Variants in ANKRD18A observed in about 807,000 individuals in gnomAD.
ANKRD18A encodes the protein ankyrin repeat domain-containing protein 18A.
ANKRD18A carries 72 observed loss-of-function variants against 110.6 expected under a neutral mutation model. That is an observed-to-expected ratio of 0.65 (90% CI 0.54 to 0.79). The LOEUF (loss-of-function observed/expected upper bound fraction) is 0.79, where lower values mean the gene tolerates loss of function less well. Among genes scored for constraint, ANKRD18A ranks in the 30% least tolerant of loss-of-function variants. The pLI, the probability that ANKRD18A is intolerant of heterozygous loss-of-function variation, is 0.00. For missense variants in ANKRD18A, 934 were observed against 1,163.3 expected, an observed-to-expected ratio of 0.80 and a Z score of 2.87; for synonymous variants, 305 against 410.3, an observed-to-expected ratio of 0.74 and a Z score of 3.10.
chr9:38,610,748 G>A (rs142446255), intron 4 of ANKRD18A, among the ~76,000 whole-genome samples: 24 of 151,260 alleles, frequency 1.6e-4, no homozygotes, highest in African/African-American at 5.7e-4. Context: ...TTTTCCCATT[G>A]CTTTCCCATT....
At chr9:38,619,773 C>T (rs1826007460) in intron 1 of ANKRD18A, among the ~76,000 whole-genome samples, 1 of 152,198 alleles carries the variant, frequency 6.6e-6, no homozygotes, top group Non-Finnish European at 1.5e-5. Context: ...GAACTCTTCG[C>T]CTACTGAAAA....
Position 38,615,660 on chromosome 9 carries a change from A to C in ANKRD18A, c.429T>G (p.Tyr143Ter). The change falls in exon 3 of 16, where the codon TAT becomes TAG. Residue 143 changes from tyrosine (Y) to a stop codon, truncating the protein, a stop_gained. Transcript: ENST00000399703. LOFTEE classifies it high-confidence loss of function. ...YGNTALHYAV[Y>*]NKGTSLAERL... ...TTTCTGCCAGTGAAGTCCCCTTATT[A>C]TACACGGCATAATGGAGAGCAGTGT... The C allele has an allele frequency of 1.2e-6, 2 of 1,611,878 alleles. No homozygotes were observed. Among genetic ancestry groups the C allele is most frequent in the Non-Finnish European group, 1.7e-6 (2 of 1,179,732 alleles).
Position 38,588,606 on chromosome 9 carries a change from A to G in ANKRD18A, c.2062T>C (p.Tyr688His), listed in dbSNP as rs1824493263. The G allele has an allele frequency of 2.1e-6, 3 of 1,400,588 alleles. No individual in the cohort carries two copies. Among genetic ancestry groups the G allele is most frequent in the African/African-American group, 3.0e-5 (2 of 66,720 alleles). 86.8% of individuals were successfully genotyped at this position (1,400,588 alleles called of 1,614,324 possible). A position where few individuals can be genotyped will look rare whatever the true frequency, so the allele number is the denominator to read the frequency against. Residue 688 changes from tyrosine (Y) to histidine (H), a missense_variant, in exon 11 of 16, where the codon TAT becomes CAT. By Grantham distance (83) the Tyr-to-His change is moderately conservative. This residue lies in a region of ANKRD18A where 79 missense variants were observed against 122.8 expected (regional missense o/e 0.64). Transcript: ENST00000399703. Reference protein sequence around the residue: ...KLFELISLLNYTADQIRKKNR... With the variant: ...KLFELISLLNHTADQIRKKNR... Reference sequence around the variant, plus strand: ...TTCTTTCTTATTTGGTCCGCAGTATAGTTCAGTAATGATATTAATTCAAAA... The same window carrying G: ...TTCTTTCTTATTTGGTCCGCAGTATGGTTCAGTAATGATATTAATTCAAAA...
In ANKRD18A at chr9:38,601,204, G is replaced by A; in HGVS notation, c.863C>T (p.Ala288Val). ...TGAAGCCACTTTTAGGTTGTGTTCT[G>A]CTGACAAATCCATATGTTTAGTTAA... Reference protein sequence around the residue: ...NLKKRKERAKAEHNLKVASEE... With the variant: ...NLKKRKERAKVEHNLKVASEE... The change falls in exon 8 of 16, where the codon GCA becomes GTA. Residue 288 changes from alanine (A) to valine (V), a missense_variant and splice_region_variant. Physicochemically the swap from Ala to Val is moderately conservative, Grantham distance 64 (BLOSUM62 0). Around this residue, in one of 4 missense-constraint regions of ANKRD18A, gnomAD observed 630 missense variants for 797.5 expected, o/e 0.79. Transcript: ENST00000399703. 6.4e-7 allele frequency: 1 copy of A among 1,554,414 alleles called. No individual in the cohort carries two copies. The highest frequency in any genetic ancestry group is 2.4e-5 in the East Asian group (1 of 41,436).
intron 10 of ANKRD18A, among the ~76,000 whole-genome samples, chr9:38,592,777 C>A (rs537607403): frequency 6.6e-6 from 1 of 152,122 alleles, no homozygotes; most frequent in Non-Finnish European, 1.5e-5. Context: ...ATATGTGCTA[C>A]AACATGGATA....
At chr9:38,617,358 T>C (rs1825900945) in intron 1 of ANKRD18A, among the ~76,000 whole-genome samples, 2 of 152,216 alleles carry the variant, frequency 1.3e-5, no homozygotes, top group Admixed American at 1.3e-4. Flanking sequence ...GATAATCACT[T>C]GAACCTTGGC....
chr9:38,572,144 G>A (rs1056606524), intron 15 of ANKRD18A, 85 bp from the exon 16 acceptor site: 21 of 987,406 alleles, frequency 2.1e-5, no homozygotes, highest in East Asian at 5.6e-5. Flanking sequence ...AGTTGAGAAC[G>A]TTATCAGAGT....
intron 3 of ANKRD18A, among the ~76,000 whole-genome samples, chr9:38,615,363 A>T (rs1825805101): frequency 6.6e-6 from 1 of 151,868 alleles, no homozygotes; most frequent in Non-Finnish European, 1.5e-5. Context: ...CAAATACTTG[A>T]AAAGAAGAAG....
At chr9:38,567,864 C>T (rs1340557142), downstream of ANKRD18A, 1 of 152,252 alleles carries the variant, frequency 6.6e-6, no homozygotes, top group Non-Finnish European at 1.5e-5. Context: ...CATGTCAACT[C>T]ATTGGCTGAG....
At chr9:38,569,478 G>C (rs1162819741), downstream of ANKRD18A, 2 of 977,194 alleles carry the variant, frequency 2.0e-6, no homozygotes, top group East Asian at 2.4e-4. Context: ...CACTCACAGA[G>C]ACTGCTGCGT....
At chr9:38,579,754 A>G (rs1488441508) in intron 12 of ANKRD18A, among the ~76,000 whole-genome samples, 1 of 152,238 alleles carries the variant, frequency 6.6e-6, no homozygotes, top group African/African-American at 2.4e-5. Context: ...CAGCTACTAT[A>G]GAAAACAACA....
intron 12 of ANKRD18A, among the ~76,000 whole-genome samples, chr9:38,585,785 TA>T (rs59202616): frequency 1.3e-5 from 2 of 152,088 alleles, no homozygotes; most frequent in East Asian, 1.9e-4. Context: ...ATAGACAGGA[TA>T]AAAAAATGTG....
In ANKRD18A at chr9:38,575,679, C is replaced by T. The variant is rs781770031; in HGVS notation, c.2761G>A (p.Val921Met). 1.9e-5 allele frequency: 30 copies of T among 1,551,036 alleles called. No individual in the cohort carries two copies. In the South Asian group the frequency reaches 3.2e-4, roughly 17 times the overall value. The change falls in exon 15 of 16, where the codon GTG (valine) becomes ATG (methionine). Residue 921 changes from valine (V) to methionine (M), a missense_variant. Val to Met is a conservative substitution (Grantham distance 21). This residue lies in a region of ANKRD18A where 223 missense variants were observed against 226.7 expected (regional missense o/e 0.98). Coordinates refer to ENST00000399703, the MANE Select transcript of ANKRD18A (RefSeq NM_147195.4). Reference sequence around the variant, plus strand: ...TCCGTAAAGAGCTTGGTGCTGATCACTGCTATTTTCTTATCCGATCTGTAA... The same window carrying T: ...TCCGTAAAGAGCTTGGTGCTGATCATTGCTATTTTCTTATCCGATCTGTAA... ...KLMKSDKKIA[V>M]ISTKLFTEKQ... is the part of the protein sequence containing the mutation.
chr9:38,574,741 G>T (rs1384396256), intron 15 of ANKRD18A, among the ~76,000 whole-genome samples: 1 of 152,130 alleles, frequency 6.6e-6, no homozygotes, highest in African/African-American at 2.4e-5. Context: ...TAAGTGTTTG[G>T]TTGCCTGTCA....
At chr9:38,588,870 T>C (rs2118734981) in intron 10 of ANKRD18A, among the ~76,000 whole-genome samples, 1 of 152,320 alleles carries the variant, frequency 6.6e-6, no homozygotes, top group Non-Finnish European at 1.5e-5. Context: ...ATCATTACCT[T>C]TTCTGAAATT....
Position 38,595,663 on chromosome 9 carries a change from T to A in ANKRD18A, c.1677A>T (p.Gln559His), listed in dbSNP as rs535602466. The A allele has an allele frequency of 1.3e-4, 209 of 1,551,246 alleles. No homozygotes were observed. The African/African-American group carries it at 2.3e-3, about 17-fold the overall frequency. The change falls in exon 9 of 16, where the codon CAA becomes CAT. Residue 559 changes from glutamine (Q) to histidine (H), a missense_variant. Physicochemically the swap from Gln to His is conservative, Grantham distance 24. This residue lies in a region of ANKRD18A where 630 missense variants were observed against 797.5 expected (regional missense o/e 0.79). Transcript: ENST00000399703. ...CGCCTTCCTTACGAGCATCCTCTAGTTGTCGTTCAAGCAAGAGATTTTCAA... is the reference window on the plus strand; with the variant it reads ...CGCCTTCCTTACGAGCATCCTCTAGATGTCGTTCAAGCAAGAGATTTTCAA... ...QELENLLLER[Q>H]LEDARKEGDN...
chr9:38,617,041 T>C (rs753523691), intron 1 of ANKRD18A, among the ~76,000 whole-genome samples: 1 of 152,216 alleles, frequency 6.6e-6, no homozygotes, highest in Non-Finnish European at 1.5e-5. Context: ...ATTCTAGGAA[T>C]CTAATTGACA....
At chr9:38,604,775 T>C (rs1306985657) in intron 6 of ANKRD18A, 1 of 145,988 alleles carries the variant, frequency 6.8e-6, no homozygotes, top group Non-Finnish European at 1.5e-5. Context: ...TATTTTCACC[T>C]CATTACCAAG....
chr9:38,610,287 A>C lies in ANKRD18A; in HGVS notation c.726T>G (p.Cys242Trp), dbSNP rs748092480. Residue 242 changes from cysteine to tryptophan, a missense_variant, in exon 5 of 16, where the codon TGT (cysteine) becomes TGG (tryptophan). Transcript: ENST00000399703. Reference sequence around the variant, plus strand: ...TAAGCACATACCTTCTCAAATCAGAACAAAGAGCATAATCCTCGGCAGTTT... The same window carrying C: ...TAAGCACATACCTTCTCAAATCAGACCAAAGAGCATAATCCTCGGCAGTTT... Reference protein sequence around the residue: ...FGQTAEDYALCSDLRSIRQQI... With the variant: ...FGQTAEDYALWSDLRSIRQQI... 6.5e-7 allele frequency: 1 copy of C among 1,545,292 alleles called. No homozygotes were observed. The highest frequency in any genetic ancestry group is 8.7e-7 in the Non-Finnish European group (1 of 1,145,148).
Sources: gnomAD v4.1 joint callset for allele counts (sites outside exome capture counted in the v4.1 genomes callset) on GRCh38, gnomAD v4.1.1 for gene constraint, gnomAD v4.1.1 regional missense constraint, MANE v1.5 for transcripts, NCBI Gene and HGNC (gene_info 2026-07-23, HGNC 2026-07-21) for gene names.